PTGS1: variants seen among roughly 807,000 people sequenced by gnomAD.
PTGS1 encodes prostaglandin-endoperoxide synthase 1.
A neutral mutation model predicts 63.0 loss-of-function variants in PTGS1; 40 were observed. The observed-to-expected ratio is 0.63, with a 90% confidence interval of 0.49 to 0.83. PTGS1 has a LOEUF of 0.83. Among genes scored for constraint, PTGS1 ranks in the 40% least tolerant of loss-of-function variants. The pLI is 0.00. For missense variants in PTGS1, 709 were observed against 786.5 expected (o/e 0.90, Z 1.18); for synonymous variants, 298 against 301.9 (o/e 0.99, Z 0.13).
intron 8 of PTGS1, 105 bp downstream of exon 8, chr9:122,383,860 C>A: frequency 6.8e-7 from 1 of 1,474,172 alleles, no homozygotes; most frequent in African/African-American, 1.4e-5. Flanking sequence ...AGAATCCTCA[C>A]CCTTCTGCTT....
chr9:122,385,008 A>T lies in PTGS1; in HGVS notation c.1009+1253A>T, dbSNP rs575451268. On this transcript the variant is annotated intron_variant, in intron 8 of 10. Coordinates refer to ENST00000362012, the MANE Select transcript of PTGS1 (RefSeq NM_000962.4). ...AGTCTTGTTCTGTTGCCCACACAGT[A>T]GTGCAATGGCGTGATCTTGGCTCAC... is the stretch of plus-strand genomic sequence containing the variant. Among the ~76,000 whole-genome samples, 6 of 152,318 alleles carry T rather than the reference A, an allele frequency of 3.9e-5. No individual in the cohort carries two copies. The South Asian group carries it at 1.2e-3, about 32-fold the overall frequency.
chr9:122,392,130 A>C, intron 10 of PTGS1, 59 bp from the exon 11 acceptor site: 2 of 1,464,114 alleles, frequency 1.4e-6, no homozygotes, highest in Non-Finnish European at 1.8e-6. Context: ...GTCCCGCCCC[A>C]GGTTGACCTT....
At chr9:122,378,100 C>A in intron 3 of PTGS1, 85 bp downstream of exon 3, 1 of 1,268,610 alleles carries the variant, frequency 7.9e-7, no homozygotes, top group Non-Finnish European at 1.1e-6. Flanking sequence ...AACTTCCTAC[C>A]CTCCTCTCTG....
At chr9:122,371,884 TC>T in intron 2 of PTGS1, 1 of 1,355,996 alleles carries the variant, frequency 7.4e-7, no homozygotes, top group African/African-American at 1.4e-5. Context: ...GGGCCCAGGA[TC>T]TGAACTCAGG....
rs201361578 is a variant in PTGS1 at position 122,394,812 on chromosome 9, G to T, written c.*2268G>T. ...CTTCCGAGATCCCCAGGGCAGCCTG[G>T]ATCCCTGCCCTTCTCAAGACTTTAG... is the stretch of plus-strand genomic sequence containing the variant. On this transcript the variant is annotated 3_prime_UTR_variant, in exon 11 of 11. Transcript: ENST00000362012. 1 of 152,194 alleles carries T rather than the reference G, an allele frequency of 6.6e-6. No homozygotes were observed. The highest frequency in any genetic ancestry group is 2.4e-5 in the African/African-American group (1 of 41,414). 9.4% of individuals were successfully genotyped at this position (152,194 alleles called of 1,614,324 possible).
At chr9:122,378,754 C>T (rs199952563) in intron 4 of PTGS1, 21 bp from the exon 5 acceptor site, 78 of 1,613,452 alleles carry the variant, frequency 4.8e-5, no homozygotes, top group African/African-American at 4.1e-4. Context: ...CCCTTGTCAC[C>T]GTTATTTTTG....
chr9:122,378,184 C>T (rs1406387816), intron 3 of PTGS1, among the ~76,000 whole-genome samples, 169 bp downstream of exon 3: 1 of 152,178 alleles, frequency 6.6e-6, no homozygotes, highest in Non-Finnish European at 1.5e-5. Context: ...AGCTCTCGCT[C>T]TTGGTCCACC....
In PTGS1 at chr9:122,385,863, C is replaced by CG. The variant is rs141196505; in HGVS notation, c.1010-583_1010-582insG. Among the ~76,000 whole-genome samples the CG allele has an allele frequency of 8.2e-3, 1,252 of 152,314 alleles. 37 individuals carry two copies. Among genetic ancestry groups the CG allele is most frequent in the Admixed American group, 0.057 (865 of 15,302 alleles). ...CACCTCCTTTGCATGTCCTGCTTAG[C>CG]TGGGCCTAGAACCTCCCTCTGAAAT... On this transcript the variant is annotated intron_variant, in intron 8 of 10. Transcript: ENST00000362012.
At chr9:122,372,888 G>A (rs570750450) in intron 2 of PTGS1, 7 of 152,466 alleles carry the variant, frequency 4.6e-5, no homozygotes, top group African/African-American at 1.4e-4. Context: ...CACGGAGCTG[G>A]GAGGAGCTGA....
intron 7 of PTGS1, 145 bp downstream of exon 7, chr9:122,381,892 G>T (rs560872025): frequency 2.4e-6 from 2 of 818,124 alleles, no homozygotes; most frequent in Admixed American, 2.2e-5. Context: ...GACAGTATAC[G>T]CTGGGAGGAG....
intron 2 of PTGS1, chr9:122,372,589 G>A (rs1836867644): frequency 6.6e-6 from 1 of 152,286 alleles, no homozygotes; most frequent in African/African-American, 2.4e-5. Context: ...TGGTGGTGGG[G>A]AGTAGAAGGG....
intron 2 of PTGS1, among the ~76,000 whole-genome samples, 167 bp downstream of exon 2, chr9:122,371,439 C>G (rs1439584955): frequency 1.3e-5 from 2 of 152,228 alleles, no homozygotes; most frequent in East Asian, 3.9e-4. Flanking sequence ...CTGAAGCCCC[C>G]CCGGCGGTGT....
At chr9:122,373,452 G>A (rs1190203743) in intron 2 of PTGS1, among the ~76,000 whole-genome samples, 1 of 152,210 alleles carries the variant, frequency 6.6e-6, no homozygotes, top group Non-Finnish European at 1.5e-5. Flanking sequence ...GGGAGAGAAT[G>A]CTGCTTTTGC....
chr9:122,380,484 A>C (rs1564136113), intron 5 of PTGS1, among the ~76,000 whole-genome samples: 1 of 151,470 alleles, frequency 6.6e-6, no homozygotes, highest in Non-Finnish European at 1.5e-5. Context: ...TAAATAAATA[A>C]ATAAATAAAT....
intron 2 of PTGS1, 28 bp from the exon 3 acceptor site, chr9:122,377,871 G>A (rs1252693333): frequency 6.3e-7 from 1 of 1,599,714 alleles, no homozygotes; most frequent in Non-Finnish European, 8.6e-7. Flanking sequence ...CCCTAGCATG[G>A]TCTCTGACCT....
At chr9:122,383,030 C>T (rs956704971) in intron 7 of PTGS1, among the ~76,000 whole-genome samples, 4 of 151,992 alleles carry the variant, frequency 2.6e-5, no homozygotes, top group South Asian at 2.1e-4. Context: ...AAAATGGGAG[C>T]GTTTGCTGAG....
In PTGS1 at chr9:122,381,481, C is replaced by T; in HGVS notation, c.607C>T (p.His203Tyr). Reference protein sequence around the residue: ...TNLMFAFFAQHFTHQFFKTSG... With the variant: ...TNLMFAFFAQYFTHQFFKTSG... ...CCTCATGTTTGCCTTCTTTGCACAA[C>T]ACTTCACCCACCAGTTCTTCAAAAC... Residue 203 changes from histidine to tyrosine, a missense_variant, in exon 6 of 11, where the codon CAC (histidine) becomes TAC (tyrosine). His to Tyr is a moderately conservative substitution (Grantham distance 83). Transcript: ENST00000362012. 1 of 1,614,248 alleles carries T rather than the reference C, an allele frequency of 6.2e-7. No homozygotes were observed. Among genetic ancestry groups the T allele is most frequent in the Non-Finnish European group, 8.5e-7 (1 of 1,180,052 alleles).
chr9:122,377,897 A>C lies in PTGS1; in HGVS notation c.95-2A>C. 1 of 1,613,594 alleles carries C rather than the reference A, an allele frequency of 6.2e-7. No homozygotes were observed. Reference sequence around the variant, plus strand: ...TCTCTGACCTCCATTTCTCACCCACAGTGAATCCCTGTTGTTACTATCCAT... The same window carrying C: ...TCTCTGACCTCCATTTCTCACCCACCGTGAATCCCTGTTGTTACTATCCAT... On this transcript the variant is annotated splice_acceptor_variant, in intron 2 of 10. Transcript: ENST00000362012. LOFTEE classifies it high-confidence loss of function.
At position 122,381,727 on chromosome 9, in the gene PTGS1, G is replaced by C; in HGVS notation, c.742G>C (p.Asp248His). ...ERQYQLRLFK[D>H]GKLKYQVLDG... The stretch of plus-strand genomic sequence containing the variant: ...TCAGTATCAACTGCGGCTCTTTAAG[G>C]ATGGGAAACTCAAGTACCAGGTAGT... The change falls in exon 7 of 11, where the codon GAT becomes CAT. Residue 248 changes from aspartate to histidine, a missense_variant. Asp to His is a moderately conservative substitution (Grantham distance 81, BLOSUM62 -1). Transcript: ENST00000362012. The C allele has an allele frequency of 6.2e-7, 1 of 1,613,536 alleles. No homozygotes were observed. Among genetic ancestry groups the C allele is most frequent in the Non-Finnish European group, 8.5e-7 (1 of 1,179,958 alleles).
Sources: allele counts gnomAD v4.1 joint callset (sites outside exome capture counted in the v4.1 genomes callset), GRCh38; gene constraint gnomAD v4.1.1; transcripts MANE v1.5; gene names NCBI Gene and HGNC (gene_info 2026-07-23, HGNC 2026-07-21).